Variants in FKBP9 observed in about 807,000 individuals in gnomAD.
FKBP9 encodes FKBP prolyl isomerase 9, also known as peptidyl-prolyl cis-trans isomerase FKBP9.
In FKBP9, 27 loss-of-function variants were observed where a neutral mutation model predicts 55.6. The observed-to-expected ratio is 0.49, with a 90% CI of 0.36 to 0.67. The LOEUF (loss-of-function observed/expected upper bound fraction) is 0.67, where lower values mean the gene tolerates loss of function less well. Among genes scored for constraint, FKBP9 ranks in the 30% least tolerant of loss-of-function variants. The pLI is 0.00. For synonymous variants in FKBP9, 267 were observed against 296.5 expected (o/e 0.90, Z 1.02); for missense variants, 539 against 742.8 (o/e 0.73, Z 3.19).
At chr7:32,977,253 G>A (rs1784378954) in intron 4 of FKBP9, among the ~76,000 whole-genome samples, 1 of 152,226 alleles carries the variant, frequency 6.6e-6, no homozygotes, top group South Asian at 2.1e-4. Flanking sequence ...ATAGAGACCG[G>A]TAGACATTTA....
intron 3 of FKBP9, among the ~76,000 whole-genome samples, chr7:32,975,945 C>T (rs113945174): frequency 0.046 from 7,037 of 152,248 alleles, 385 homozygotes; most frequent in East Asian, 0.19. Context: ...TGCACCCGGC[C>T]GTGTAAGTCT....
intron 1 of FKBP9, among the ~76,000 whole-genome samples, chr7:32,972,297 T>A (rs1288571104): frequency 1.3e-5 from 2 of 152,104 alleles, no homozygotes; most frequent in African/African-American, 4.8e-5. Flanking sequence ...ACTTGAAATC[T>A]TGCTTTCTGT....
intron 9 of FKBP9, 98 bp downstream of exon 9, chr7:33,002,937 A>G (rs1784960841): frequency 1.6e-6 from 2 of 1,254,838 alleles, no homozygotes; most frequent in Non-Finnish European, 2.2e-6. Flanking sequence ...TCTAAGGGTG[A>G]GGCCAGCTGG....
At chr7:32,995,893 A>G (rs1784775076) in intron 6 of FKBP9, among the ~76,000 whole-genome samples, 2 of 152,188 alleles carry the variant, frequency 1.3e-5, no homozygotes, top group Non-Finnish European at 2.9e-5. Context: ...GCAATAGTCC[A>G]TAGTCTTGAA....
intron 8 of FKBP9, among the ~76,000 whole-genome samples, chr7:33,001,497 T>C: frequency 6.6e-6 from 1 of 151,710 alleles, no homozygotes. Flanking sequence ...ATCGTGCCAC[T>C]GTACTGCAGC....
chr7:32,965,832 T>TATATGTGTACAC (rs1554284335), intron 1 of FKBP9, among the ~76,000 whole-genome samples: 6,338 of 41,196 alleles, frequency 0.15, 624 homozygotes, highest in Non-Finnish European at 0.23. Flanking sequence ...TATATATATA[T>TATATGTGTACAC]ATATATATAT....
At chr7:32,968,408 T>C (rs1784189108) in intron 1 of FKBP9, among the ~76,000 whole-genome samples, 1 of 152,082 alleles carries the variant, frequency 6.6e-6, no homozygotes, top group Non-Finnish European at 1.5e-5. Context: ...TTGAGGAGCC[T>C]ACAGACCATT....
chr7:32,994,266 C>T (rs1583866854), intron 6 of FKBP9, among the ~76,000 whole-genome samples: 1 of 152,186 alleles, frequency 6.6e-6, no homozygotes, highest in Non-Finnish European at 1.5e-5. Context: ...ACTTCCCCCA[C>T]GCTGGCAACA....
At chr7:32,986,693 G>A (rs1254285454) in intron 5 of FKBP9, among the ~76,000 whole-genome samples, 5 of 152,192 alleles carry the variant, frequency 3.3e-5, no homozygotes, top group African/African-American at 4.8e-5. Flanking sequence ...CCATGACTTT[G>A]TGGTCTTTGA....
At chr7:32,960,555 A>C (rs943676811) in intron 1 of FKBP9, among the ~76,000 whole-genome samples, 3 of 152,162 alleles carry the variant, frequency 2.0e-5, no homozygotes, top group African/African-American at 7.2e-5. Context: ...TGCTTCTTTC[A>C]TAGGGAAGAA....
chr7:33,005,340 G>T lies in FKBP9; in HGVS notation c.1702G>T (p.Asp568Tyr). Reference protein sequence around the residue: ...FKLKDQEAKHDEL With the variant: ...FKLKDQEAKHYEL ...ACTCAAAGACCAGGAAGCCAAACAC[G>T]ATGAACTCTAAACCTGGCATGAACC... The change falls in exon 10 of 10, where the codon GAT (aspartate) becomes TAT (tyrosine). Residue 568 changes from aspartate (D) to tyrosine (Y), a missense_variant. Around this residue, in one of 4 missense-constraint regions of FKBP9, gnomAD observed 102 missense variants for 200.7 expected, o/e 0.51. Transcript: ENST00000242209. The T allele has an allele frequency of 1.9e-6, 3 of 1,614,210 alleles. No individual in the cohort carries two copies. The highest frequency in any genetic ancestry group is 2.5e-6 in the Non-Finnish European group (3 of 1,180,036).
chr7:33,000,624 G>A (rs370292645), intron 8 of FKBP9, among the ~76,000 whole-genome samples: 7,501 of 151,484 alleles, frequency 0.05, 426 homozygotes, highest in African/African-American at 0.12. Flanking sequence ...GCTGTAGGCC[G>A]TTGCTTTTCA....
At chr7:32,976,545 T>A (rs781693372) in intron 4 of FKBP9, 46 bp downstream of exon 4, 18 of 1,552,748 alleles carry the variant, frequency 1.2e-5, no homozygotes, top group Non-Finnish European at 1.6e-5. Flanking sequence ...ACCCTTATTT[T>A]TATTGCAGTG....
intron 5 of FKBP9, among the ~76,000 whole-genome samples, chr7:32,984,688 T>C (rs1784542428): frequency 6.6e-6 from 1 of 152,252 alleles, no homozygotes; most frequent in Non-Finnish European, 1.5e-5. Flanking sequence ...CTGCAGTTTC[T>C]CTCTATGCTC....
chr7:32,988,630 G>A lies in FKBP9; in HGVS notation c.1017G>A (p.Leu339=), dbSNP rs773250761. The A allele has an allele frequency of 1.9e-6, 3 of 1,613,930 alleles. No homozygotes were observed. The highest frequency in any genetic ancestry group is 1.7e-6 in the Non-Finnish European group (2 of 1,179,828). Residue 339 remains leucine (L), a synonymous_variant, in exon 6 of 10, where the codon CTG becomes CTA. Transcript: ENST00000242209. Reference sequence around the variant, plus strand: ...GAAGGATTGTGGTCCCGCCTCACCTGGGGTATGGAGAGGAAGGAAGAGGTG... The same window carrying A: ...GAAGGATTGTGGTCCCGCCTCACCTAGGGTATGGAGAGGAAGGAAGAGGTG... The part of the protein sequence containing the change: ...EKRRIVVPPH[L]GYGEEGRGNI...
intron 6 of FKBP9, among the ~76,000 whole-genome samples, chr7:32,991,194 CT>C (rs1784674343): frequency 1.3e-5 from 2 of 152,142 alleles, no homozygotes. Context: ...GCTTAAATTA[CT>C]TTTTTTCCTC....
intron 8 of FKBP9, 151 bp downstream of exon 8, chr7:33,000,411 A>G: frequency 8.0e-7 from 1 of 1,245,382 alleles, no homozygotes; most frequent in Non-Finnish European, 1.1e-6. Flanking sequence ...ATTATTTAGT[A>G]TTTTTGTTTG....
At chr7:32,996,494 C>G (rs1784789661) in intron 7 of FKBP9, 145 bp downstream of exon 7, 1 of 627,126 alleles carries the variant, frequency 1.6e-6, no homozygotes. Context: ...CATCACTGCT[C>G]AGGTGCATTG....
At chr7:33,004,404 G>A (rs1007576274) in intron 9 of FKBP9, among the ~76,000 whole-genome samples, 7 of 151,974 alleles carry the variant, frequency 4.6e-5, no homozygotes, top group African/African-American at 1.5e-4. Flanking sequence ...CACTTTACCC[G>A]GCCACACCTG....
Sources: allele counts gnomAD v4.1 joint callset (sites outside exome capture counted in the v4.1 genomes callset), GRCh38; gene constraint gnomAD v4.1.1; regional missense constraint gnomAD v4.1.1; transcripts MANE v1.5; gene names NCBI Gene and HGNC (gene_info 2026-07-23, HGNC 2026-07-21).